IER3IP1: variants seen among roughly 807,000 people sequenced by gnomAD.
The protein encoded by IER3IP1 is immediate early response 3 interacting protein 1.
IER3IP1 carries 16 observed loss-of-function variants against 12.2 expected under a neutral mutation model. The observed-to-expected ratio is 1.31, with a 90% confidence interval of 0.89 to 1.99. The LOEUF (loss-of-function observed/expected upper bound fraction) is 1.99, where lower values mean the gene tolerates loss of function less well. IER3IP1 is among the 30% of genes most tolerant of loss of function. The pLI, the probability that IER3IP1 is intolerant of heterozygous loss-of-function variation, is 0.00. For synonymous variants in IER3IP1, 42 were observed against 40.0 expected (o/e 1.05, Z -0.19); for missense variants, 95 against 95.8 (o/e 0.99, Z 0.03).
chr18:47,158,031 G>C (rs1388943618), intron 1 of IER3IP1, among the ~76,000 whole-genome samples: 1 of 152,152 alleles, frequency 6.6e-6, no homozygotes, highest in Non-Finnish European at 1.5e-5. Context: ...TAAAGTGGGA[G>C]TCAATCATAA....
intron 1 of IER3IP1, among the ~76,000 whole-genome samples, chr18:47,165,186 A>G (rs1290596224): frequency 6.6e-6 from 1 of 152,196 alleles, no homozygotes; most frequent in East Asian, 1.9e-4. Flanking sequence ...ATGCTATCAT[A>G]AACATGAAAG....
rs12326412 is a variant in IER3IP1 at position 47,157,223 on chromosome 18, A to C, written c.193+213T>G. 0.057 allele frequency: 33,814 copies of C among 593,330 alleles called. 1,232 individuals are homozygous for C. Among genetic ancestry groups the C allele is most frequent in the East Asian group, 0.12 (4,333 of 35,168 alleles). The allele number at this position is 593,330 out of a possible 1,614,324, so 36.8% of individuals were successfully genotyped here. A position where few individuals can be genotyped will look rare whatever the true frequency, so the allele number is the denominator to read the frequency against. On this transcript the variant is annotated intron_variant, in intron 2 of 2. Coordinates refer to ENST00000256433, the MANE Select transcript of IER3IP1 (RefSeq NM_016097.5). Reference sequence around the variant, plus strand: ...CAAACAGATTATATGTATTATACTAAGCATTCTATTTGTACCAACTGGCTT... The same window carrying C: ...CAAACAGATTATATGTATTATACTACGCATTCTATTTGTACCAACTGGCTT...
At chr18:47,159,801 C>T (rs1231171186) in intron 1 of IER3IP1, among the ~76,000 whole-genome samples, 1 of 151,926 alleles carries the variant, frequency 6.6e-6, no homozygotes, top group Non-Finnish European at 1.5e-5. Flanking sequence ...ACATGGCTCT[C>T]CTCAGACAAA....
intron 1 of IER3IP1, among the ~76,000 whole-genome samples, chr18:47,158,870 A>T (rs1368222038): frequency 6.6e-6 from 1 of 152,006 alleles, no homozygotes; most frequent in African/African-American, 2.4e-5. Context: ...CTGAGGTGAG[A>T]GGATCACCTG....
Position 47,156,178 on chromosome 18 carries a change from C to T in IER3IP1, c.248G>A (p.Ter83=), listed in dbSNP as rs2144421375. The T allele has an allele frequency of 1.3e-6, 2 of 1,523,918 alleles. No individual in the cohort carries two copies. Among genetic ancestry groups the T allele is most frequent in the Non-Finnish European group, 9.1e-7 (1 of 1,098,378 alleles). The allele number at this position is 1,523,918 out of a possible 1,614,324, so 94.4% of individuals were successfully genotyped here. The part of the protein sequence containing the change: ...IAIVLLLLFG[*] ...AGTCTCCATTTTCTCCACTGATATT[C>T]ATCCAAATAATAAAAGTAACACAAT... Residue 83 remains the stop codon, a stop_retained_variant, in exon 3 of 3, where the codon TGA becomes TAA. Coordinates refer to ENST00000256433, the MANE Select transcript of IER3IP1 (RefSeq NM_016097.5).
At chr18:47,175,089 G>A (rs1404106759) in intron 1 of IER3IP1, among the ~76,000 whole-genome samples, 4 of 152,126 alleles carry the variant, frequency 2.6e-5, no homozygotes, top group African/African-American at 9.7e-5. Context: ...AAATGGGCCT[G>A]GCACATACTT....
intron 1 of IER3IP1, among the ~76,000 whole-genome samples, chr18:47,169,498 G>A (rs1359825903): frequency 1.3e-5 from 2 of 152,134 alleles, no homozygotes; most frequent in East Asian, 3.9e-4. Flanking sequence ...GTTTTCCGAA[G>A]TGGCTGAACC....
At chr18:47,159,749 T>C (rs2063973613) in intron 1 of IER3IP1, among the ~76,000 whole-genome samples, 1 of 152,146 alleles carries the variant, frequency 6.6e-6, no homozygotes, top group Admixed American at 6.5e-5. Flanking sequence ...TATTTTGATG[T>C]CCTACGTCAC....
intron 1 of IER3IP1, among the ~76,000 whole-genome samples, chr18:47,161,232 T>G (rs1275474251): frequency 6.6e-6 from 1 of 152,200 alleles, no homozygotes; most frequent in Non-Finnish European, 1.5e-5. Context: ...AAATAATGGT[T>G]GTTTGCTTTT....
Position 47,152,919 on chromosome 18 carries a change from GATATAT to G in IER3IP1, c.*3252_*3257del, listed in dbSNP as rs140238894. ...ATACAAACATTAGTGATCTGGAAAA[GATATAT>G]ATATATATCTGGACCAGACTTCTGT... On this transcript the variant is annotated 3_prime_UTR_variant, in exon 3 of 3. Transcript: ENST00000256433. 6.6e-6 allele frequency: 1 copy of G among 151,416 alleles called. No homozygotes were observed. Among genetic ancestry groups the G allele is most frequent in the Non-Finnish European group, 1.5e-5 (1 of 67,744 alleles). 9.4% of individuals were successfully genotyped at this position (151,416 alleles called of 1,614,324 possible).
Position 47,154,618 on chromosome 18 carries a change from G to C in IER3IP1, c.*1559C>G, listed in dbSNP as rs2063951875. 3.3e-5 allele frequency: 5 copies of C among 152,140 alleles called. No homozygotes were observed. The South Asian group carries it at 1.0e-3, about 32-fold the overall frequency. 9.4% of individuals were successfully genotyped at this position (152,140 alleles called of 1,614,324 possible). A position where few individuals can be genotyped will look rare whatever the true frequency, so the allele number is the denominator to read the frequency against. ...TGAATCTTTTCAGTAGCTCAAACTT[G>C]AACTCAGGCATCAGTTCTTTGTAAG... On this transcript the variant is annotated 3_prime_UTR_variant, in exon 3 of 3. Coordinates refer to ENST00000256433, the MANE Select transcript of IER3IP1 (RefSeq NM_016097.5).
In IER3IP1 at chr18:47,176,288, G is replaced by A. The variant is rs761147400; in HGVS notation, c.-11C>T. The A allele has an allele frequency of 2.5e-6, 4 of 1,598,960 alleles. No homozygotes were observed. Among genetic ancestry groups the A allele is most frequent in the South Asian group, 2.2e-5 (2 of 88,988 alleles). On this transcript the variant is annotated 5_prime_UTR_variant, in exon 1 of 3. Coordinates refer to ENST00000256433, the MANE Select transcript of IER3IP1 (RefSeq NM_016097.5). ...CAGGGTAAAGGCCATGGCCGTCCGAGGCCGCCCCGAAGTCCAAGCGATTTC... is the reference window on the plus strand; with the variant it reads ...CAGGGTAAAGGCCATGGCCGTCCGAAGCCGCCCCGAAGTCCAAGCGATTTC...
chr18:47,176,332 G>A lies in IER3IP1; in HGVS notation c.-55C>T, dbSNP rs1011849333. ...CGATTTCTCTCCCGCCGCCGCAAGG[G>A]ACGTGGCGCCTCCACGGCCGGCGCC... is the stretch of plus-strand genomic sequence containing the variant. On this transcript the variant is annotated 5_prime_UTR_variant, in exon 1 of 3. Transcript: ENST00000256433. The A allele has an allele frequency of 2.7e-5, 41 of 1,490,950 alleles. No homozygotes were observed. The highest frequency in any genetic ancestry group is 1.2e-4 in the East Asian group (5 of 41,632). 92.4% of individuals were successfully genotyped at this position (1,490,950 alleles called of 1,614,324 possible).
intron 1 of IER3IP1, among the ~76,000 whole-genome samples, chr18:47,175,499 T>A (rs1871218974): frequency 6.6e-6 from 1 of 152,046 alleles, no homozygotes; most frequent in Non-Finnish European, 1.5e-5. Flanking sequence ...AGTCTCACTC[T>A]ATTGCCCAGG....
rs2144423082 is a variant in IER3IP1 at position 47,157,436 on chromosome 18, C to T, written c.193G>A (p.Val65Met). ...LIRSVRTVMR[V>M]PLIIVNSIAI... ...ATGCTCTATTAGCTTTTCTTCTTACCTCTCATCACGGTTCTTACAGATCGA... is the reference window on the plus strand; with the variant it reads ...ATGCTCTATTAGCTTTTCTTCTTACTTCTCATCACGGTTCTTACAGATCGA... The change falls in exon 2 of 3, where the codon GTG (valine) becomes ATG (methionine). Residue 65 changes from valine to methionine, a missense_variant and splice_region_variant. Physicochemically the swap from Val to Met is conservative, Grantham distance 21 (BLOSUM62 1). Coordinates refer to ENST00000256433, the MANE Select transcript of IER3IP1 (RefSeq NM_016097.5). 6.2e-7 allele frequency: 1 copy of T among 1,612,356 alleles called. No individual in the cohort carries two copies. The highest frequency in any genetic ancestry group is 8.5e-7 in the Non-Finnish European group (1 of 1,178,428).
rs2144423249 is a variant in IER3IP1, at chr18:47,157,513, A to G, written c.116T>C (p.Ile39Thr). The G allele has an allele frequency of 6.2e-7, 1 of 1,614,068 alleles. No homozygotes were observed. Among genetic ancestry groups the G allele is most frequent in the East Asian group, 2.2e-5 (1 of 44,854 alleles). Residue 39 changes from isoleucine to threonine, a missense_variant, in exon 2 of 3, where the codon ATT becomes ACT. Transcript: ENST00000256433. ...TCCCGGCTCTTCTCCAAATCCACCA[A>G]TTCCCTGGTCTGTTCCCCAGCCAAC... ...KNIGWGTDQG[I>T]GGFGEEPGIK...
At position 47,176,208 on chromosome 18, in the gene IER3IP1, C is replaced by G. The variant is rs1158496986; in HGVS notation, c.70G>C (p.Glu24Gln). 6.2e-7 allele frequency: 1 copy of G among 1,603,856 alleles called. No homozygotes were observed. Among genetic ancestry groups the G allele is most frequent in the East Asian group, 2.2e-5 (1 of 44,486 alleles). The change falls in exon 1 of 3, where the codon GAG becomes CAG. Residue 24 changes from glutamate (E) to glutamine (Q), a missense_variant. Physicochemically the swap from Glu to Gln is conservative, Grantham distance 29 (BLOSUM62 2). Coordinates refer to ENST00000256433, the MANE Select transcript of IER3IP1 (RefSeq NM_016097.5). ...LCVNAIAVLH[E>Q]ERFLKNIGWG... ...TCACTGTTCTTGAGGAATCGCTCCTCGTGCAGCACTGCGATGGCGTTGACG... is the reference window on the plus strand; with the variant it reads ...TCACTGTTCTTGAGGAATCGCTCCTGGTGCAGCACTGCGATGGCGTTGACG...
chr18:47,168,242 C>T (rs1347726539), intron 1 of IER3IP1, among the ~76,000 whole-genome samples: 1 of 140,836 alleles, frequency 7.1e-6, no homozygotes, highest in Non-Finnish European at 1.5e-5. Context: ...GCAGAGGATG[C>T]AGTGAGCAGA....
intron 1 of IER3IP1, among the ~76,000 whole-genome samples, chr18:47,170,784 G>A (rs539024962): frequency 6.6e-6 from 1 of 151,948 alleles, no homozygotes; most frequent in Non-Finnish European, 1.5e-5. Flanking sequence ...GCCTTGTAGT[G>A]GACTCTTTAG....
Sources: allele counts gnomAD v4.1 joint callset (sites outside exome capture counted in the v4.1 genomes callset), GRCh38; gene constraint gnomAD v4.1.1; transcripts MANE v1.5; gene names NCBI Gene and HGNC (gene_info 2026-07-23, HGNC 2026-07-21).